The following ITM2B variants were observed in gnomAD, a reference collection of about 807,000 sequenced individuals.
The protein encoded by ITM2B is integral membrane protein 2B, also known as ABri/ADan amyloid peptide.
Under a neutral mutation model 27.8 loss-of-function variants are expected in ITM2B, and 11 were observed. The ratio of observed to expected loss-of-function variants is 0.40; its 90% CI spans 0.25 to 0.66. ITM2B has a LOEUF of 0.66. ITM2B is among the 30% of genes least tolerant of loss of function. The pLI is 0.43. For synonymous variants in ITM2B, 114 were observed against 114.3 expected, an observed-to-expected ratio of 1.00 and a Z score of 0.02; for missense variants, 296 against 328.9, an observed-to-expected ratio of 0.90 and a Z score of 0.77.
Position 48,258,808 on chromosome 13 carries a change from T to C in ITM2B, c.576T>C (p.Tyr192=). ...ELLINIKAGT[Y]LPQSYLIHEH... ...TTTTCTGAATGTAGGCTGGAACCTA[T>C]TTGCCTCAGTCCTATCTGATTCATG... The change falls in exon 5 of 6, where the codon TAT becomes TAC. Residue 192 remains tyrosine (Y), a synonymous_variant. Transcript: ENST00000647800. 6.2e-7 allele frequency: 1 copy of C among 1,613,704 alleles called. No individual in the cohort carries two copies. The highest frequency in any genetic ancestry group is 1.1e-5 in the South Asian group (1 of 91,078).
intron 2 of ITM2B, among the ~76,000 whole-genome samples, chr13:48,254,190 G>A (rs934615404): frequency 1.3e-5 from 2 of 152,134 alleles, no homozygotes; most frequent in Non-Finnish European, 2.9e-5. Context: ...AGGTCATTGG[G>A]TGATTTTACT....
At chr13:48,243,631 A>T (rs2137982916) in intron 1 of ITM2B, among the ~76,000 whole-genome samples, 1 of 152,074 alleles carries the variant, frequency 6.6e-6, no homozygotes, top group South Asian at 2.1e-4. Context: ...CCTGGGCAAC[A>T]TAGTGAGACC....
chr13:48,248,137 C>T (rs963991171), intron 1 of ITM2B, among the ~76,000 whole-genome samples: 1 of 151,522 alleles, frequency 6.6e-6, no homozygotes, highest in African/African-American at 2.4e-5. Flanking sequence ...ATACAGAGAA[C>T]CTGAAGTATA....
intron 1 of ITM2B, among the ~76,000 whole-genome samples, chr13:48,248,131 A>T (rs1357925103): frequency 1.3e-5 from 2 of 152,132 alleles, no homozygotes; most frequent in African/African-American, 4.8e-5. Context: ...CACAAAATAC[A>T]GAGAACCTGA....
chr13:48,258,039 T>C, intron 3 of ITM2B, 87 bp from the exon 4 acceptor site: 2 of 750,832 alleles, frequency 2.7e-6, no homozygotes, highest in Non-Finnish European at 4.9e-6. Context: ...CCAATTCATT[T>C]TAATGATACA....
intron 5 of ITM2B, among the ~76,000 whole-genome samples, chr13:48,260,045 G>C (rs1465631550): frequency 6.6e-6 from 1 of 151,950 alleles, no homozygotes; most frequent in Admixed American, 6.6e-5. Context: ...TCCCCTCTCT[G>C]TGTCCATGTG....
chr13:48,266,150 T>C lies in ITM2B; in HGVS notation c.*4926T>C, dbSNP rs528520288. ...GGGTCTGAGTGAGTTGCCTTGAATATAAGATTCAGTGATGGTGTCCTGCTG... is the reference window on the plus strand; with the variant it reads ...GGGTCTGAGTGAGTTGCCTTGAATACAAGATTCAGTGATGGTGTCCTGCTG... On this transcript the variant is annotated 3_prime_UTR_variant, in exon 6 of 6. Coordinates refer to ENST00000647800, the MANE Select transcript of ITM2B (RefSeq NM_021999.5). The C allele has an allele frequency of 1.3e-5, 2 of 152,294 alleles. No individual in the cohort carries two copies. Among genetic ancestry groups the C allele is most frequent in the Admixed American group, 6.5e-5 (1 of 15,288 alleles). 9.4% of individuals were successfully genotyped at this position (152,294 alleles called of 1,614,324 possible). A position where few individuals can be genotyped will look rare whatever the true frequency, so the allele number is the denominator to read the frequency against.
At chr13:48,253,021 TTTC>T (rs1409156290) in intron 1 of ITM2B, among the ~76,000 whole-genome samples, 17 of 152,214 alleles carry the variant, frequency 1.1e-4, no homozygotes, top group Non-Finnish European at 2.2e-4. Flanking sequence ...GCTAAATTGT[TTTC>T]TTAAGTGGAT....
At chr13:48,237,361 A>G (rs1273135604) in intron 1 of ITM2B, among the ~76,000 whole-genome samples, 1 of 152,212 alleles carries the variant, frequency 6.6e-6, no homozygotes, top group African/African-American at 2.4e-5. Context: ...TGGGAAATAA[A>G]TGAATTGCGT....
At chr13:48,247,540 A>T (rs918224738) in intron 1 of ITM2B, among the ~76,000 whole-genome samples, 1 of 152,184 alleles carries the variant, frequency 6.6e-6, no homozygotes, top group Admixed American at 6.5e-5. Flanking sequence ...GCCTAAGAAT[A>T]TAAAGTGATT....
In ITM2B at chr13:48,261,503, A is replaced by G. The variant is rs1317222547; in HGVS notation, c.*279A>G. On this transcript the variant is annotated 3_prime_UTR_variant, in exon 6 of 6. Transcript: ENST00000647800. The stretch of plus-strand genomic sequence containing the variant: ...GGAAGAATTACAATTTCTTTAAATC[A>G]TTTATCTGGATTTTTATGTTTTATT... The G allele has an allele frequency of 1.2e-5, 3 of 252,252 alleles. No homozygotes were observed. Among genetic ancestry groups the G allele is most frequent in the South Asian group, 7.8e-5 (1 of 12,864 alleles). 15.6% of individuals were successfully genotyped at this position (252,252 alleles called of 1,614,324 possible). A position where few individuals can be genotyped will look rare whatever the true frequency, so the allele number is the denominator to read the frequency against.
rs1951857731 is a variant in ITM2B, at chr13:48,267,137, T to TAGC, written c.*5914_*5915insGCA. Reference sequence around the variant, plus strand: ...TTACTGCCCTTCTTGATTTGCCAATTATGCCCCTGCTGGGAAGCATGAAAG... The same window carrying TAGC: ...TTACTGCCCTTCTTGATTTGCCAATTAGCATGCCCCTGCTGGGAAGCATGAAAG... On this transcript the variant is annotated 3_prime_UTR_variant, in exon 6 of 6. Transcript: ENST00000647800. The TAGC allele has an allele frequency of 6.6e-6, 1 of 152,204 alleles. No homozygotes were observed. The highest frequency in any genetic ancestry group is 1.9e-4 in the East Asian group (1 of 5,202). The allele number at this position is 152,204 out of a possible 1,614,324, so 9.4% of individuals were successfully genotyped here.
At position 48,242,755 on chromosome 13, in the gene ITM2B, G is replaced by A. The variant is rs556952732; in HGVS notation, c.117+9278G>A. ...TGTACATGACTTTTTTTCCCCCTTTGGTTGTCTACAGGCTGGTGATTTTCT... is the reference window on the plus strand; with the variant it reads ...TGTACATGACTTTTTTTCCCCCTTTAGTTGTCTACAGGCTGGTGATTTTCT... On this transcript the variant is annotated intron_variant, in intron 1 of 5. Coordinates refer to ENST00000647800, the MANE Select transcript of ITM2B (RefSeq NM_021999.5). 2.0e-5 allele frequency among the ~76,000 whole-genome samples: 3 copies of A among 151,672 alleles called. No individual in the cohort carries two copies. In the South Asian group the frequency reaches 6.3e-4, roughly 32 times the overall value.
chr13:48,258,942 T>C lies in ITM2B; in HGVS notation c.710T>C (p.Ile237Thr), dbSNP rs371745063. 1.9e-6 allele frequency: 3 copies of C among 1,611,588 alleles called. No individual in the cohort carries two copies. Among genetic ancestry groups the C allele is most frequent in the Non-Finnish European group, 2.5e-6 (3 of 1,178,270 alleles). The change falls in exon 5 of 6, where the codon ATT (isoleucine) becomes ACT (threonine). Residue 237 changes from isoleucine (I) to threonine (T), a missense_variant. Physicochemically the swap from Ile to Thr is moderately conservative, Grantham distance 89. Transcript: ENST00000647800. ...ETYKLQRRET[I>T]KGIQKREASN... ...TACAAACTGCAACGCAGAGAAACTA[T>C]TAAAGGTAATACTTTTTAAATATTA... is the stretch of plus-strand genomic sequence containing the variant.
rs1951819422 is a variant in ITM2B, at chr13:48,261,126, C to A, written c.716-13C>A. 1 of 1,594,306 alleles carries A rather than the reference C, an allele frequency of 6.3e-7. No homozygotes were observed. ...AATCAAAATTTTAAAAAACTTTTTT[C>A]CCTCTCCAACAGGTATTCAGAAACG... On this transcript the variant is annotated splice_polypyrimidine_tract_variant and intron_variant, in intron 5 of 5. Transcript: ENST00000647800.
intron 1 of ITM2B, 144 bp from the exon 2 acceptor site, chr13:48,253,663 TG>T: frequency 1.2e-6 from 1 of 801,464 alleles, no homozygotes; most frequent in Non-Finnish European, 2.1e-6. Flanking sequence ...TAATCATTCC[TG>T]GGTTGATTTT....
chr13:48,267,827 A>C lies in ITM2B; in HGVS notation c.*6603A>C, dbSNP rs2138002859. 6.6e-6 allele frequency: 1 copy of C among 152,326 alleles called. No individual in the cohort carries two copies. Among genetic ancestry groups the C allele is most frequent in the Middle Eastern group, 3.4e-3 (1 of 294 alleles). 9.4% of individuals were successfully genotyped at this position (152,326 alleles called of 1,614,324 possible). Reference sequence around the variant, plus strand: ...GCCAAACTCGGTGCTTAGATTAATTACTTTCAGCCTAGGTTTTTCTGTATA... The same window carrying C: ...GCCAAACTCGGTGCTTAGATTAATTCCTTTCAGCCTAGGTTTTTCTGTATA... On this transcript the variant is annotated 3_prime_UTR_variant, in exon 6 of 6. Coordinates refer to ENST00000647800, the MANE Select transcript of ITM2B (RefSeq NM_021999.5).
chr13:48,254,003 A>G lies in ITM2B; in HGVS notation c.246+67A>G, dbSNP rs916047690. On this transcript the variant is annotated intron_variant, in intron 2 of 5. Coordinates refer to ENST00000647800, the MANE Select transcript of ITM2B (RefSeq NM_021999.5). Reference sequence around the variant, plus strand: ...TTTTGCCTCTCCCGATGTGCATTACAAAATTGTTTACAACTTGCGCTAAGC... The same window carrying G: ...TTTTGCCTCTCCCGATGTGCATTACGAAATTGTTTACAACTTGCGCTAAGC... 14 of 1,481,260 alleles carry G rather than the reference A, an allele frequency of 9.5e-6. No homozygotes were observed. In the African/African-American group the frequency reaches 1.7e-4, roughly 18 times the overall value. 91.8% of individuals were successfully genotyped at this position (1,481,260 alleles called of 1,614,324 possible).
intron 1 of ITM2B, among the ~76,000 whole-genome samples, chr13:48,240,213 A>AT (rs932715802): frequency 4.6e-5 from 7 of 151,962 alleles, no homozygotes; most frequent in Non-Finnish European, 8.8e-5. Flanking sequence ...ATTTTTATTT[A>AT]TTTTTTTGTT....
Sources: allele counts gnomAD v4.1 joint callset (sites outside exome capture counted in the v4.1 genomes callset), GRCh38; gene constraint gnomAD v4.1.1; transcripts MANE v1.5; gene names NCBI Gene and HGNC (gene_info 2026-07-23, HGNC 2026-07-21).